BBOF1: variants seen among roughly 807,000 people sequenced by gnomAD.
BBOF1 encodes the protein basal body orientation factor 1, also known as basal body-orientation factor 1.
BBOF1 carries 62 observed loss-of-function variants against 68.0 expected under a neutral mutation model. The observed-to-expected ratio is 0.91, with a 90% CI of 0.74 to 1.13. The LOEUF is 1.13. Ranked by LOEUF, BBOF1 falls within the 50% of genes most tolerant of loss-of-function variation. BBOF1 has a pLI of 0.00. For missense variants in BBOF1, 534 were observed against 600.1 expected, an observed-to-expected ratio of 0.89 and a Z score of 1.15; for synonymous variants, 208 against 198.8, an observed-to-expected ratio of 1.05 and a Z score of -0.39.
chr14:74,052,846 A>G (rs1456476276), intron 8 of BBOF1, among the ~76,000 whole-genome samples: 1 of 151,608 alleles, frequency 6.6e-6, no homozygotes, highest in East Asian at 2.0e-4. Flanking sequence ...AAAACAAAAC[A>G]AAAAGTAGCC....
At chr14:74,022,507 T>A (rs574625396) in intron 1 of BBOF1, among the ~76,000 whole-genome samples, 4 of 152,268 alleles carry the variant, frequency 2.6e-5, no homozygotes, top group African/African-American at 9.6e-5. Context: ...GAGATCGTGC[T>A]ACTGCACTCC....
chr14:74,060,310 C>A, intron 11 of BBOF1: 1 of 299,994 alleles, frequency 3.3e-6, no homozygotes, highest in Non-Finnish European at 6.5e-6. Context: ...GGAACATTTT[C>A]TTTACATACA....
At chr14:74,025,906 G>A (rs111620017) in intron 2 of BBOF1, among the ~76,000 whole-genome samples, 2,660 of 112,620 alleles carry the variant, frequency 0.024, 65 homozygotes, top group African/African-American at 0.067. Context: ...GTGGCGGGGT[G>A]GGGGGGGTGC....
chr14:74,052,398 G>A (rs1268190267), intron 8 of BBOF1, among the ~76,000 whole-genome samples: 3 of 151,708 alleles, frequency 2.0e-5, no homozygotes, highest in African/African-American at 4.9e-5. Context: ...TGTAATCCCA[G>A]CACTTTGGGA....
At chr14:74,039,923 A>G (rs1018824886) in intron 4 of BBOF1, among the ~76,000 whole-genome samples, 1 of 152,152 alleles carries the variant, frequency 6.6e-6, no homozygotes, top group African/African-American at 2.4e-5. Context: ...GTAGGATAGT[A>G]CATATTTCTA....
chr14:74,055,333 G>A, intron 8 of BBOF1: 1 of 358,260 alleles, frequency 2.8e-6, no homozygotes, highest in Non-Finnish European at 5.3e-6. Context: ...ATTTTTAGTA[G>A]AGACGAGCTT....
intron 1 of BBOF1, among the ~76,000 whole-genome samples, chr14:74,022,043 A>G (rs2059314633): frequency 1.3e-5 from 2 of 152,188 alleles, no homozygotes; most frequent in Non-Finnish European, 2.9e-5. Context: ...ACCAAAGTCC[A>G]GCACTGAGTG....
At chr14:74,054,239 T>G (rs1322778355) in intron 8 of BBOF1, among the ~76,000 whole-genome samples, 1 of 151,932 alleles carries the variant, frequency 6.6e-6, no homozygotes, top group East Asian at 1.9e-4. Flanking sequence ...CTTGATCTCC[T>G]GACCTCATGA....
chr14:74,077,234 A>G (rs2060622201), intron 9 of BBOF1, among the ~76,000 whole-genome samples: 1 of 152,194 alleles, frequency 6.6e-6, no homozygotes, highest in African/African-American at 2.4e-5. Flanking sequence ...ATAAAATAGA[A>G]GCCCATTCCT....
intron 3 of BBOF1, among the ~76,000 whole-genome samples, chr14:74,030,641 A>G (rs1027099732): frequency 2.0e-5 from 3 of 151,834 alleles, no homozygotes; most frequent in African/African-American, 7.3e-5. Context: ...GACTACAGGC[A>G]CCTACCATCA....
chr14:74,072,342 C>T (rs760122833), intron 9 of BBOF1: 8 of 1,614,134 alleles, frequency 5.0e-6, no homozygotes, highest in East Asian at 2.2e-5. Context: ...CTGAGGGACC[C>T]GACCAATGAC....
At chr14:74,024,663 G>A (rs760972576) in intron 2 of BBOF1, among the ~76,000 whole-genome samples, 1 of 151,902 alleles carries the variant, frequency 6.6e-6, no homozygotes, top group African/African-American at 2.4e-5. Context: ...ACAGGGTTTC[G>A]CCATGTTGCC....
chr14:74,026,781 C>A (rs1025126961), intron 2 of BBOF1, among the ~76,000 whole-genome samples: 2 of 151,794 alleles, frequency 1.3e-5, no homozygotes, highest in Middle Eastern at 3.4e-3. Flanking sequence ...AAAAATTAGC[C>A]GGGTGTGGTA....
intron 9 of BBOF1, among the ~76,000 whole-genome samples, chr14:74,077,539 A>C (rs1476926615): frequency 6.6e-6 from 1 of 152,170 alleles, no homozygotes; most frequent in Non-Finnish European, 1.5e-5. Context: ...ACCTGTGTGA[A>C]GAGGCAAAAC....
Position 74,065,103 on chromosome 14 carries a change from G to A in BBOF1, c.*404G>A. The A allele has an allele frequency of 6.5e-7, 1 of 1,548,402 alleles. No homozygotes were observed. The highest frequency in any genetic ancestry group is 1.7e-4 in the Middle Eastern group (1 of 5,922). ...GTCATGGGGGCAATCTTAAACCAATGACTCACCATTATTTACTGTTTCCTC... is the reference window on the plus strand; with the variant it reads ...GTCATGGGGGCAATCTTAAACCAATAACTCACCATTATTTACTGTTTCCTC... On this transcript the variant is annotated 3_prime_UTR_variant, in exon 12 of 12. Coordinates refer to ENST00000394009, the MANE Select transcript of BBOF1 (RefSeq NM_025057.3).
chr14:74,071,169 G>C, intron 9 of BBOF1: 1 of 1,599,668 alleles, frequency 6.3e-7, no homozygotes, highest in Non-Finnish European at 8.6e-7. Flanking sequence ...GCCAGATTAA[G>C]TAGCCATATG....
At chr14:74,041,802 C>T (rs1030011146) in intron 5 of BBOF1, among the ~76,000 whole-genome samples, 2 of 152,114 alleles carry the variant, frequency 1.3e-5, no homozygotes, top group Admixed American at 1.3e-4. Context: ...TTTGGTAGGC[C>T]AAGGTGGGCG....
chr14:74,069,062 A>G (rs1400104698), downstream of BBOF1: 8 of 1,208,328 alleles, frequency 6.6e-6, no homozygotes, highest in African/African-American at 1.6e-5. Context: ...CCCCACTGCT[A>G]TGGATTTGAA....
intron 3 of BBOF1, among the ~76,000 whole-genome samples, chr14:74,032,489 C>CTT (rs201835078): frequency 9.4e-4 from 125 of 133,274 alleles, no homozygotes; most frequent in African/African-American, 2.3e-3. Flanking sequence ...ACGTTTCTCT[C>CTT]TTTTTTTTTT....
Sources: allele counts gnomAD v4.1 joint callset (sites outside exome capture counted in the v4.1 genomes callset), GRCh38; gene constraint gnomAD v4.1.1; transcripts MANE v1.5; gene names NCBI Gene and HGNC (gene_info 2026-07-23, HGNC 2026-07-21).